Variants in ZFHX3 observed in about 807,000 individuals in gnomAD.
ZFHX3 encodes the protein zinc finger homeobox 3, also known as zinc finger homeobox protein 3.
Under a neutral mutation model 279.1 loss-of-function variants are expected in ZFHX3, and 42 were observed. The ratio of observed to expected loss-of-function variants is 0.15; its 90% CI spans 0.12 to 0.19. The LOEUF (loss-of-function observed/expected upper bound fraction) is 0.19. Among genes scored for constraint, ZFHX3 ranks in the 10% least tolerant of loss-of-function variants. The pLI, the probability that ZFHX3 is intolerant of heterozygous loss-of-function variation, is 1.00. For synonymous variants in ZFHX3, 2,293 were observed against 1,957.8 expected, an observed-to-expected ratio of 1.17 and a Z score of -4.52; for missense variants, 4,981 against 4,754.0, an observed-to-expected ratio of 1.05 and a Z score of -1.40.
intron 2 of ZFHX3, among the ~76,000 whole-genome samples, chr16:73,590,559 C>G: frequency 6.6e-6 from 1 of 152,122 alleles, no homozygotes; most frequent in East Asian, 1.9e-4. Flanking sequence ...CAAGAGTTCA[C>G]AGTAACATTT....
At chr16:73,438,267 G>T (rs1021226656) in intron 3 of ZFHX3, among the ~76,000 whole-genome samples, 7 of 152,192 alleles carry the variant, frequency 4.6e-5, no homozygotes, top group Non-Finnish European at 7.3e-5. Context: ...TTATCACAAA[G>T]TCAGATTAAC....
intron 3 of ZFHX3, among the ~76,000 whole-genome samples, chr16:73,412,655 G>C (rs1341916765): frequency 6.6e-6 from 1 of 152,204 alleles, no homozygotes; most frequent in African/African-American, 2.4e-5. Context: ...GCTGCTATTA[G>C]TATCGGACTT....
intron 2 of ZFHX3, among the ~76,000 whole-genome samples, chr16:73,456,475 A>C (rs2018373634): frequency 6.6e-6 from 1 of 152,136 alleles, no homozygotes; most frequent in Non-Finnish European, 1.5e-5. Flanking sequence ...CCACAGGAAA[A>C]CATCCACAGC....
chr16:72,837,061 C>G (rs1028620938), intron 4 of ZFHX3, among the ~76,000 whole-genome samples: 1 of 152,212 alleles, frequency 6.6e-6, no homozygotes, highest in Non-Finnish European at 1.5e-5. Flanking sequence ...CTCCCGCACT[C>G]CTGCGGGCCT....
intron 1 of ZFHX3, among the ~76,000 whole-genome samples, chr16:73,879,449 T>G (rs189391307): frequency 5.5e-4 from 83 of 152,200 alleles, no homozygotes; most frequent in Admixed American, 1.9e-3. Context: ...CACCGGCATG[T>G]CCTTTGCTCA....
chr16:73,748,539 CT>C (rs77780340), intron 1 of ZFHX3, among the ~76,000 whole-genome samples: 32,335 of 151,986 alleles, frequency 0.21, 4,012 homozygotes, highest in East Asian at 0.54. Flanking sequence ...ATCTTCCTCC[CT>C]TATGCTGTTG....
intron 1 of ZFHX3, among the ~76,000 whole-genome samples, chr16:73,881,475 T>TGC (rs1401305035): frequency 1.9e-5 from 1 of 52,014 alleles, no homozygotes; most frequent in Non-Finnish European, 4.0e-5. Context: ...TCTCTCTCTC[T>TGC]CTCTGCCCCC....
At chr16:72,984,594 C>A (rs545570884) in intron 1 of ZFHX3, among the ~76,000 whole-genome samples, 19 of 151,106 alleles carry the variant, frequency 1.3e-4, no homozygotes, top group Admixed American at 2.6e-4. Context: ...CCACTCCACT[C>A]CTGCCTGGGC....
intron 2 of ZFHX3, among the ~76,000 whole-genome samples, chr16:73,624,602 G>C (rs1597033946): frequency 6.6e-6 from 1 of 151,180 alleles, no homozygotes; most frequent in East Asian, 2.0e-4. Flanking sequence ...TATTGACAGA[G>C]TGAAATGAAT....
rs1961313741 is a variant in ZFHX3 at position 72,957,598 on chromosome 16, G to C, written c.2548C>G (p.Leu850Val). The change falls in exon 2 of 10, where the codon CTC (leucine) becomes GTC (valine). Residue 850 changes from leucine to valine, a missense_variant. This residue lies in a region of ZFHX3 where 1,751 missense variants were observed against 1,770.0 expected (regional missense o/e 0.99). Transcript: ENST00000268489. ...TCGGCGGGTGAGGGCAGGCTGCCGA[G>C]GCCCAGGTGGCGGTTGTGTTGGATC... ...TQIQHNRHLG[L>V]GSLPSPAEAE... The C allele has an allele frequency of 1.2e-6, 2 of 1,614,068 alleles. No individual in the cohort carries two copies. Among genetic ancestry groups the C allele is most frequent in the South Asian group, 2.2e-5 (2 of 91,084 alleles).
chr16:73,333,774 G>A (rs1468979313), intron 3 of ZFHX3, among the ~76,000 whole-genome samples: 1 of 123,638 alleles, frequency 8.1e-6, no homozygotes, highest in African/African-American at 3.1e-5. Flanking sequence ...GATGTGGGAT[G>A]AGGTCAAAGG....
At chr16:73,123,561 A>G (rs1403069323) in intron 7 of ZFHX3, 1 of 151,674 alleles carries the variant, frequency 6.6e-6, no homozygotes, top group Admixed American at 6.6e-5. Flanking sequence ...GGTGAACTCA[A>G]CAGAAGAACT....
chr16:73,433,782 G>A (rs778690544), intron 3 of ZFHX3, among the ~76,000 whole-genome samples: 4 of 152,200 alleles, frequency 2.6e-5, no homozygotes, highest in African/African-American at 4.8e-5. Flanking sequence ...GGCAGACAGA[G>A]CTGAGCCCAC....
chr16:73,214,208 G>T (rs757601459), intron 5 of ZFHX3, among the ~76,000 whole-genome samples: 16 of 152,100 alleles, frequency 1.1e-4, no homozygotes, highest in Non-Finnish European at 2.4e-4. Context: ...AATGGGCTTG[G>T]GCCAAGAGTC....
intron 5 of ZFHX3, among the ~76,000 whole-genome samples, chr16:73,159,884 T>G (rs1436231405): frequency 6.6e-6 from 1 of 152,142 alleles, no homozygotes; most frequent in Non-Finnish European, 1.5e-5. Context: ...TGCCTCAGCC[T>G]CCCGAGTAGC....
chr16:72,942,377 T>C (rs1960452271), intron 3 of ZFHX3, among the ~76,000 whole-genome samples: 2 of 152,304 alleles, frequency 1.3e-5, no homozygotes, highest in South Asian at 4.1e-4. Flanking sequence ...GCAGATGTCA[T>C]TTATGCGAAG....
intron 3 of ZFHX3, among the ~76,000 whole-genome samples, chr16:73,339,990 C>T (rs2016000230): frequency 6.6e-6 from 1 of 152,152 alleles, no homozygotes; most frequent in Non-Finnish European, 1.5e-5. Flanking sequence ...ACCTTTGGGC[C>T]AGAAAGCAGC....
At chr16:73,293,599 G>A (rs372169484) in intron 4 of ZFHX3, among the ~76,000 whole-genome samples, 1 of 152,242 alleles carries the variant, frequency 6.6e-6, no homozygotes, top group Non-Finnish European at 1.5e-5. Context: ...AATTAAAGGA[G>A]TGTGGATTTT....
In ZFHX3 at chr16:73,311,688, C is replaced by G. The variant is rs144975840; in HGVS notation, c.-1194+6552G>C. On this transcript the variant is annotated intron_variant, in intron 4 of 17. Transcript: ENST00000641206. ...TGTTTGTTCTCTTCTTTGAACTTTT[C>G]TATATTTCTGAAATACGATAAGCAT... is the stretch of plus-strand genomic sequence containing the variant. Among the ~76,000 whole-genome samples the G allele has an allele frequency of 2.2e-3, 328 of 150,052 alleles. 1 individual carries two copies. Among genetic ancestry groups the G allele is most frequent in the African/African-American group, 7.8e-3 (320 of 40,938 alleles).
Sources: gnomAD v4.1 joint callset for allele counts (sites outside exome capture counted in the v4.1 genomes callset) on GRCh38, gnomAD v4.1.1 for gene constraint, gnomAD v4.1.1 regional missense constraint, MANE v1.5 for transcripts, NCBI Gene and HGNC (gene_info 2026-07-23, HGNC 2026-07-21) for gene names.